Variants in IDE observed in about 807,000 individuals in gnomAD.
The protein encoded by IDE is insulin degrading enzyme, also known as insulin-degrading enzyme.
IDE carries 58 observed loss-of-function variants against 133.2 expected under a neutral mutation model. The observed-to-expected ratio is 0.44, with a 90% CI of 0.35 to 0.54. The LOEUF is 0.54. Ranked by LOEUF, IDE falls within the 20% of genes least tolerant of loss-of-function variation. The pLI is 0.00. For synonymous variants in IDE, 396 were observed against 421.3 expected (o/e 0.94, Z 0.73); for missense variants, 981 against 1,234.0 (o/e 0.79, Z 3.07).
At chr10:92,500,895 G>C (rs1847968691) in intron 11 of IDE, among the ~76,000 whole-genome samples, 1 of 151,876 alleles carries the variant, frequency 6.6e-6, no homozygotes, top group Non-Finnish European at 1.5e-5. Flanking sequence ...ACAAAAATTA[G>C]CTGGGCGTGG....
At chr10:92,558,911 A>T (rs781720576) in intron 1 of IDE, 1 of 151,436 alleles carries the variant, frequency 6.6e-6, no homozygotes, top group Non-Finnish European at 1.5e-5. Flanking sequence ...ATATATTTTA[A>T]AACTCTTACA....
chr10:92,572,699 T>C (rs1843842885), intron 1 of IDE, among the ~76,000 whole-genome samples: 1 of 152,202 alleles, frequency 6.6e-6, no homozygotes, highest in African/African-American at 2.4e-5. Flanking sequence ...ACTTGTGTCC[T>C]TCTAATTACC....
intron 4 of IDE, among the ~76,000 whole-genome samples, chr10:92,524,328 T>TATTG (rs1254909471): frequency 1.3e-5 from 1 of 76,210 alleles, no homozygotes; most frequent in African/African-American, 5.2e-5. Flanking sequence ...TAATATATTA[T>TATTG]TATATATATT....
intron 4 of IDE, among the ~76,000 whole-genome samples, chr10:92,518,224 C>G (rs1160930292): frequency 6.6e-6 from 1 of 152,106 alleles, no homozygotes; most frequent in African/African-American, 2.4e-5. Context: ...GTGCTTTACA[C>G]TGCCATCTCG....
chr10:92,541,129 T>G (rs911803438), intron 1 of IDE, among the ~76,000 whole-genome samples: 1 of 152,166 alleles, frequency 6.6e-6, no homozygotes, highest in African/African-American at 2.4e-5. Flanking sequence ...ATTTCCAAGG[T>G]GGCAATACTC....
intron 1 of IDE, among the ~76,000 whole-genome samples, chr10:92,565,801 T>C (rs1347691535): frequency 6.6e-6 from 1 of 152,078 alleles, no homozygotes; most frequent in African/African-American, 2.4e-5. Flanking sequence ...ACCATGTATA[T>C]TCTTTCTAAA....
At chr10:92,561,898 T>C (rs1843303022) in intron 1 of IDE, among the ~76,000 whole-genome samples, 1 of 152,256 alleles carries the variant, frequency 6.6e-6, no homozygotes, top group African/African-American at 2.4e-5. Context: ...ATTTTTATTA[T>C]TAACAAAAAC....
At chr10:92,491,481 G>A (rs74231311) in intron 11 of IDE, among the ~76,000 whole-genome samples, 7 of 152,118 alleles carry the variant, frequency 4.6e-5, no homozygotes, top group African/African-American at 1.7e-4. Context: ...GCTACTAGGG[G>A]AGAAAGGGAC....
chr10:92,566,780 G>C (rs1843575535), intron 1 of IDE, among the ~76,000 whole-genome samples: 1 of 152,062 alleles, frequency 6.6e-6, no homozygotes, highest in African/African-American at 2.4e-5. Flanking sequence ...AAGAATAAAT[G>C]CTTGAGGGGA....
chr10:92,538,984 G>A (rs1176240458), intron 1 of IDE, among the ~76,000 whole-genome samples: 3 of 152,022 alleles, frequency 2.0e-5, no homozygotes, highest in South Asian at 2.1e-4. Context: ...AGTAAGAGGG[G>A]GAAGAAATAG....
chr10:92,511,645 A>C (rs1292191202), intron 5 of IDE, among the ~76,000 whole-genome samples: 1 of 152,070 alleles, frequency 6.6e-6, no homozygotes, highest in Non-Finnish European at 1.5e-5. Context: ...TGTGCCTTTA[A>C]GTGTAGGCAT....
chr10:92,514,934 C>G lies in IDE; in HGVS notation c.770G>C (p.Cys257Ser), dbSNP rs189181823. The G allele has an allele frequency of 1.9e-5, 31 of 1,611,668 alleles. No homozygotes were observed. The highest frequency in any genetic ancestry group is 2.5e-5 in the Non-Finnish European group (30 of 1,178,896). The change falls in exon 5 of 25, where the codon TGT (cysteine) becomes TCT (serine). Residue 257 changes from cysteine to serine, a missense_variant. Physicochemically the swap from Cys to Ser is moderately radical, Grantham distance 112 (BLOSUM62 -1). Around this residue, in one of 2 missense-constraint regions of IDE, gnomAD observed 321 missense variants for 339.3 expected, o/e 0.95. Transcript: ENST00000265986. ...AGGGTTCTTACCTCGACCTAAAACACAAACAGCCATTAAGTTGGATGAATA... is the reference window on the plus strand; with the variant it reads ...AGGGTTCTTACCTCGACCTAAAACAGAAACAGCCATTAAGTTGGATGAATA... ...AYYSSNLMAV[C>S]VLGRESLDDL...
Position 92,475,973 on chromosome 10 carries a change from C to A in IDE, c.1906G>T (p.Asp636Tyr). 1.3e-6 allele frequency: 2 copies of A among 1,503,278 alleles called. No individual in the cohort carries two copies. The highest frequency in any genetic ancestry group is 2.4e-5 in the South Asian group (2 of 81,662). 93.1% of individuals were successfully genotyped at this position (1,503,278 alleles called of 1,614,324 possible). Residue 636 changes from aspartate to tyrosine, a missense_variant, in exon 16 of 25, where the codon GAC (aspartate) becomes TAC (tyrosine). Coordinates refer to ENST00000265986, the MANE Select transcript of IDE (RefSeq NM_004969.4). ...TTCTTTAGTAAAATTGGCTGCTTGT[C>A]ATTGTAACCTTTCACTGAAAGCTAC... ...GMYLSVKGYNDKQPILLKKII... is the reference protein window; with the variant it reads ...GMYLSVKGYNYKQPILLKKII...
At chr10:92,480,489 T>G (rs558791847) in intron 14 of IDE, 3 of 152,186 alleles carry the variant, frequency 2.0e-5, no homozygotes, top group African/African-American at 7.2e-5. Context: ...GATGGGGTGA[T>G]GGCAGCAGGG....
chr10:92,540,476 C>T (rs371152861), intron 1 of IDE, among the ~76,000 whole-genome samples: 10 of 152,158 alleles, frequency 6.6e-5, no homozygotes, highest in East Asian at 5.8e-4. Flanking sequence ...AGTGTTAAAA[C>T]GGCAGTGTTA....
chr10:92,518,013 C>T (rs12257226), intron 4 of IDE, among the ~76,000 whole-genome samples: 7 of 152,092 alleles, frequency 4.6e-5, no homozygotes. Context: ...TATTCTCTCA[C>T]TCTACCTGAG....
In IDE at chr10:92,504,874, G is replaced by C. The variant is rs1256907247; in HGVS notation, c.1350C>G (p.Leu450=). 1.3e-6 allele frequency: 2 copies of C among 1,558,078 alleles called. No homozygotes were observed. The highest frequency in any genetic ancestry group is 1.7e-6 in the Non-Finnish European group (2 of 1,143,560). Residue 450 remains leucine (L), a synonymous_variant, in exon 11 of 25, where the codon CTC becomes CTG. Transcript: ENST00000265986. ...ATTCTTCCAGTAAATATTCCGCTGT[G>C]AGCACCTCTTCTAGGGGATAATACT... is the stretch of plus-strand genomic sequence containing the variant. ...ILHYYPLEEV[L]TAEYLLEEFR...
At chr10:92,486,543 AGTTTAGAAGGGAGAAGAAATAC>A (rs1404756584) in intron 13 of IDE, among the ~76,000 whole-genome samples, 202 of 152,292 alleles carry the variant, frequency 1.3e-3, no homozygotes, top group Middle Eastern at 6.8e-3. Flanking sequence ...GTTTAGAAAC[AGTTTAGAAGGGAGAAGAAATAC>A]GTTTAGAAGG....
chr10:92,523,832 T>C (rs1849364828), intron 4 of IDE, among the ~76,000 whole-genome samples: 1 of 152,138 alleles, frequency 6.6e-6, no homozygotes, highest in South Asian at 2.1e-4. Flanking sequence ...CACTCACTCT[T>C]TGACCTCCTT....
Sources: gnomAD v4.1 joint callset for allele counts (sites outside exome capture counted in the v4.1 genomes callset) on GRCh38, gnomAD v4.1.1 for gene constraint, gnomAD v4.1.1 regional missense constraint, MANE v1.5 for transcripts, NCBI Gene and HGNC (gene_info 2026-07-23, HGNC 2026-07-21) for gene names.